Variants in PCDHA7 observed in about 807,000 individuals in gnomAD.
PCDHA7 encodes the protein protocadherin alpha-7.
PCDHA7 carries 37 observed loss-of-function variants against 57.2 expected under a neutral mutation model. That is an observed-to-expected ratio of 0.65 (90% confidence interval 0.50 to 0.85). PCDHA7 has a LOEUF of 0.85. PCDHA7 is among the 40% of genes least tolerant of loss of function. The probability of loss-of-function intolerance (pLI) is 0.00; values close to 1 mark genes in which losing one functional copy is unlikely to be tolerated. For missense variants in PCDHA7, 1,188 were observed against 1,241.8 expected (o/e 0.96, Z 0.65); for synonymous variants, 553 against 558.8 (o/e 0.99, Z 0.15).
chr5:140,998,826 AGTGCTGGATTACTG>A (rs1301277298), intron 3 of PCDHA7, among the ~76,000 whole-genome samples: 1 of 152,240 alleles, frequency 6.6e-6, no homozygotes, highest in Non-Finnish European at 1.5e-5. Flanking sequence ...GGCCTCCCAA[AGTGCTGGATTACTG>A]GTGTGAGCCA....
chr5:140,919,954 T>G (rs1159524037), intron 1 of PCDHA7, among the ~76,000 whole-genome samples: 2 of 149,936 alleles, frequency 1.3e-5, no homozygotes, highest in East Asian at 4.0e-4. Context: ...AAAAGTTTGT[T>G]TTGTTTTTTA....
At chr5:140,968,969 A>C in intron 1 of PCDHA7, 2 of 1,614,230 alleles carry the variant, frequency 1.2e-6, no homozygotes. Flanking sequence ...CTACCGCTAC[A>C]CTGCGTATGG....
At chr5:140,962,104 C>T (rs1387807188) in intron 1 of PCDHA7, among the ~76,000 whole-genome samples, 1 of 152,056 alleles carries the variant, frequency 6.6e-6, no homozygotes, top group Non-Finnish European at 1.5e-5. Context: ...CCAGGATGGT[C>T]TCGATCTCCT....
At chr5:140,876,567 G>A (rs782286416) in intron 1 of PCDHA7, 1 of 1,614,186 alleles carries the variant, frequency 6.2e-7, no homozygotes, top group Non-Finnish European at 8.5e-7. Context: ...ATGCTCAGGT[G>A]GGTACCGTCA....
chr5:140,896,738 T>C (rs2065731964), intron 1 of PCDHA7, among the ~76,000 whole-genome samples: 2 of 152,180 alleles, frequency 1.3e-5, no homozygotes, highest in African/African-American at 4.8e-5. Context: ...AAGTTCCTTA[T>C]AGATTCTGGA....
rs2150235357 is a variant in PCDHA7, at chr5:140,835,420, A to G, written c.1037A>G (p.Asn346Ser). 3.7e-5 allele frequency: 60 copies of G among 1,613,840 alleles called. No homozygotes were observed. Among genetic ancestry groups the G allele is most frequent in the Non-Finnish European group, 4.5e-5 (53 of 1,179,894 alleles). The change falls in exon 1 of 4, where the codon AAT becomes AGT. Residue 346 changes from asparagine (N) to serine (S), a missense_variant. By Grantham distance (46) the Asn-to-Ser change is conservative. This residue lies in a region of PCDHA7 where 102 missense variants were observed against 267.4 expected (regional missense o/e 0.38). Coordinates refer to ENST00000525929, the MANE Select transcript of PCDHA7 (RefSeq NM_018910.3). ...VLVEVVDVNDNAPQLTLTSLS... is the reference protein window; with the variant it reads ...VLVEVVDVNDSAPQLTLTSLS... ...GTGGAAGTTGTGGATGTAAATGACA[A>G]TGCTCCACAGTTGACTCTCACTTCC...
At position 140,980,684 on chromosome 5, in the gene PCDHA7, GA is replaced by G. The variant is rs782726576; in HGVS notation, c.2414+1687del. 1.5e-4 allele frequency among the ~76,000 whole-genome samples: 22 copies of G among 145,136 alleles called. No individual in the cohort carries two copies. In the East Asian group the frequency reaches 2.6e-3, roughly 17 times the overall value. ...AACTTCCTTATCCCATTTTCAAATT[GA>G]AAAAAAAAAGCCAAATGTGCTCCTA... On this transcript the variant is annotated intron_variant, in intron 2 of 3. Transcript: ENST00000525929.
intron 1 of PCDHA7, chr5:140,966,564 T>A (rs1342180377): frequency 2.0e-6 from 1 of 488,548 alleles, no homozygotes; most frequent in Non-Finnish European, 3.4e-6. Context: ...GGAGCTGGAA[T>A]ATGGGGAGTC....
At chr5:140,860,269 T>C (rs1278960733) in intron 1 of PCDHA7, 1 of 151,996 alleles carries the variant, frequency 6.6e-6, no homozygotes, top group South Asian at 2.1e-4. Flanking sequence ...ACTGTAGTGC[T>C]ACTTGGGAGG....
At chr5:140,891,400 G>A (rs1220760247) in intron 1 of PCDHA7, among the ~76,000 whole-genome samples, 1 of 150,966 alleles carries the variant, frequency 6.6e-6, no homozygotes, top group Non-Finnish European at 1.5e-5. Flanking sequence ...TTTATCCCTC[G>A]CCACCCCCCA....
In PCDHA7 at chr5:141,010,806, C is replaced by T. The variant is rs1404036886; in HGVS notation, c.*869C>T. ...GCAAAAGCAAAAGAAAACCCCGACA[C>T]CTCACCTTTCGCTGTTTGTTGTTTC... On this transcript the variant is annotated 3_prime_UTR_variant, in exon 4 of 4. Transcript: ENST00000525929. 2 of 153,736 alleles carry T rather than the reference C, an allele frequency of 1.3e-5. No individual in the cohort carries two copies. Among genetic ancestry groups the T allele is most frequent in the Non-Finnish European group, 1.5e-5 (1 of 68,048 alleles). 9.5% of individuals were successfully genotyped at this position (153,736 alleles called of 1,614,324 possible).
At position 140,836,312 on chromosome 5, in the gene PCDHA7, G is replaced by A; in HGVS notation, c.1929G>A (p.Pro643=). ...GAGCCCTAGATGAGACGGACGCACCGCGCCACCGCCTTCTGGTGCTTGTGA... is the reference window on the plus strand; with the variant it reads ...GAGCCCTAGATGAGACGGACGCACCACGCCACCGCCTTCTGGTGCTTGTGA... ...TTRALDETDA[P]RHRLLVLVKD... is the part of the protein sequence containing the mutation. Residue 643 remains proline (P), a synonymous_variant, in exon 1 of 4, where the codon CCG becomes CCA. Transcript: ENST00000525929. The A allele has an allele frequency of 6.2e-7, 1 of 1,613,712 alleles. No homozygotes were observed. Among genetic ancestry groups the A allele is most frequent in the Non-Finnish European group, 8.5e-7 (1 of 1,179,828 alleles).
chr5:141,000,389 CTCTCTCTATATATA>C (rs1429861640), intron 3 of PCDHA7, among the ~76,000 whole-genome samples: 15 of 62,586 alleles, frequency 2.4e-4, no homozygotes, highest in African/African-American at 9.8e-4. Flanking sequence ...CTCTCTCTCT[CTCTCTCTATATATA>C]TATATATATA....
At chr5:140,977,813 C>T (rs1347788650) in intron 1 of PCDHA7, among the ~76,000 whole-genome samples, 1 of 152,192 alleles carries the variant, frequency 6.6e-6, no homozygotes, top group Non-Finnish European at 1.5e-5. Flanking sequence ...GAATTATTGA[C>T]AGTTTTGAAT....
chr5:140,978,642 C>T (rs140934683), intron 1 of PCDHA7, among the ~76,000 whole-genome samples: 126 of 152,354 alleles, frequency 8.3e-4, no homozygotes, highest in African/African-American at 2.8e-3. Context: ...TCAAAGCAGA[C>T]TGTTCTTCCC....
chr5:140,928,106 G>A, intron 1 of PCDHA7: 4 of 1,614,150 alleles, frequency 2.5e-6, no homozygotes, highest in Non-Finnish European at 3.4e-6. Context: ...CCCCTGGACC[G>A]GGAGCAGATC....
chr5:140,850,861 C>A, intron 1 of PCDHA7: 2 of 1,592,808 alleles, frequency 1.3e-6, no homozygotes, highest in Admixed American at 3.4e-5. Flanking sequence ...ACGGGAGAAC[C>A]CTCTGCTTCC....
At chr5:140,942,147 T>C (rs2093240437) in intron 1 of PCDHA7, among the ~76,000 whole-genome samples, 1 of 152,236 alleles carries the variant, frequency 6.6e-6, no homozygotes, top group Non-Finnish European at 1.5e-5. Flanking sequence ...TTACTTGACA[T>C]AAAACAGCTT....
intron 1 of PCDHA7, among the ~76,000 whole-genome samples, chr5:140,951,383 G>A (rs782698893): frequency 1.2e-4 from 19 of 152,064 alleles, no homozygotes; most frequent in Non-Finnish European, 2.6e-4. Flanking sequence ...CCAAGACTCG[G>A]TAATTTATAA....
Sources: allele counts gnomAD v4.1 joint callset (sites outside exome capture counted in the v4.1 genomes callset), GRCh38; gene constraint gnomAD v4.1.1; regional missense constraint gnomAD v4.1.1; transcripts MANE v1.5; gene names NCBI Gene and HGNC (gene_info 2026-07-23, HGNC 2026-07-21).